The following C1orf146 variants were observed in gnomAD, a reference collection of about 807,000 sequenced individuals.
The protein encoded by C1orf146 is chromosome 1 open reading frame 146, also known as protein SPO16 homolog.
A neutral mutation model predicts 23.0 loss-of-function variants in C1orf146; 22 were observed. The ratio of observed to expected loss-of-function variants is 0.96; its 90% CI spans 0.68 to 1.36. C1orf146 has a LOEUF of 1.36. Among genes scored for constraint, C1orf146 ranks in the 40% most tolerant of loss-of-function variants. C1orf146 has a pLI of 0.00. For missense variants in C1orf146, 199 were observed against 206.8 expected, an observed-to-expected ratio of 0.96 and a Z score of 0.23; for synonymous variants, 59 against 65.3, an observed-to-expected ratio of 0.90 and a Z score of 0.47.
intron 2 of C1orf146, among the ~76,000 whole-genome samples, chr1:92,239,496 A>T (rs561051694): frequency 6.6e-6 from 1 of 152,274 alleles, no homozygotes; most frequent in African/African-American, 2.4e-5. Context: ...CATGCCTATA[A>T]TCCCAGCACT....
chr1:92,234,831 T>C (rs1439394715), intron 2 of C1orf146, among the ~76,000 whole-genome samples: 1 of 152,226 alleles, frequency 6.6e-6, no homozygotes, highest in African/African-American at 2.4e-5. Flanking sequence ...CTTCCTGGTT[T>C]AGTCTTGGGA....
chr1:92,230,894 T>C (rs151086541), intron 1 of C1orf146, among the ~76,000 whole-genome samples: 34 of 152,346 alleles, frequency 2.2e-4, no homozygotes, highest in African/African-American at 8.2e-4. Flanking sequence ...TCTGGGTTTC[T>C]TTCCTATAAT....
chr1:92,236,880 C>G (rs1384023039), intron 2 of C1orf146, among the ~76,000 whole-genome samples: 1 of 152,154 alleles, frequency 6.6e-6, no homozygotes, highest in Non-Finnish European at 1.5e-5. Flanking sequence ...CGCTGATACC[C>G]TTTCTTCCAG....
intron 2 of C1orf146, among the ~76,000 whole-genome samples, chr1:92,232,514 G>C (rs1370052147): frequency 8.6e-5 from 13 of 151,930 alleles, no homozygotes; most frequent in Admixed American, 8.5e-4. Flanking sequence ...TATCATTGTT[G>C]GACATTTGGG....
At chr1:92,238,326 T>C (rs1652346664) in intron 2 of C1orf146, among the ~76,000 whole-genome samples, 2 of 152,232 alleles carry the variant, frequency 1.3e-5, no homozygotes. Flanking sequence ...GGTATAAAAG[T>C]TAAACAAGTG....
At chr1:92,237,413 G>A (rs1169704014) in intron 2 of C1orf146, among the ~76,000 whole-genome samples, 1 of 152,214 alleles carries the variant, frequency 6.6e-6, no homozygotes, top group Non-Finnish European at 1.5e-5. Flanking sequence ...GGTGTCTGCA[G>A]AACAGTGGTT....
At chr1:92,230,341 G>A (rs1289812397) in intron 1 of C1orf146, among the ~76,000 whole-genome samples, 4 of 151,624 alleles carry the variant, frequency 2.6e-5, no homozygotes, top group African/African-American at 9.7e-5. Flanking sequence ...GGCCAGGCGC[G>A]ATGGCTCATG....
intron 3 of C1orf146, among the ~76,000 whole-genome samples, chr1:92,242,643 T>C (rs1652459030): frequency 6.6e-6 from 1 of 152,140 alleles, no homozygotes; most frequent in Admixed American, 6.5e-5. Flanking sequence ...TTGTCAAAAC[T>C]GATATACAAA....
intron 2 of C1orf146, among the ~76,000 whole-genome samples, chr1:92,234,897 A>G (rs1300824184): frequency 5.3e-5 from 8 of 152,294 alleles, no homozygotes; most frequent in South Asian, 4.1e-4. Flanking sequence ...GTTTATTTGC[A>G]TAGAGGTGTT....
At chr1:92,243,872 A>G (rs913819983) in intron 3 of C1orf146, among the ~76,000 whole-genome samples, 2 of 152,138 alleles carry the variant, frequency 1.3e-5, no homozygotes, top group Non-Finnish European at 2.9e-5. Context: ...AAAGTATAAC[A>G]TGAAAAATTA....
At position 92,245,680 on chromosome 1, in the gene C1orf146, C is replaced by A; in HGVS notation, c.*6C>A. The A allele has an allele frequency of 1.3e-6, 2 of 1,531,032 alleles. No individual in the cohort carries two copies. Among genetic ancestry groups the A allele is most frequent in the South Asian group, 1.3e-5 (1 of 78,988 alleles). 94.8% of individuals were successfully genotyped at this position (1,531,032 alleles called of 1,614,324 possible). On this transcript the variant is annotated 3_prime_UTR_variant, in exon 6 of 6. Transcript: ENST00000370375. ...ATTCAGTTAACCCAAATTAGAGTAC[C>A]AACTTAATGTTTTTCTCGAAGAATG...
At chr1:92,237,760 T>G (rs935611475) in intron 2 of C1orf146, among the ~76,000 whole-genome samples, 5 of 152,190 alleles carry the variant, frequency 3.3e-5, no homozygotes, top group African/African-American at 9.7e-5. Context: ...CATTTGCCCA[T>G]TTTATAGAGG....
At chr1:92,230,539 C>T (rs991561137) in intron 1 of C1orf146, among the ~76,000 whole-genome samples, 1 of 151,570 alleles carries the variant, frequency 6.6e-6, no homozygotes, top group African/African-American at 2.4e-5. Flanking sequence ...TGGCATGAAC[C>T]TGGGAGGCGG....
intron 1 of C1orf146, among the ~76,000 whole-genome samples, chr1:92,230,243 C>A (rs144249302): frequency 6.6e-6 from 1 of 151,318 alleles, no homozygotes; most frequent in African/African-American, 2.4e-5. Context: ...GTGGGAGGGT[C>A]GCTTGAAGCC....
At chr1:92,240,548 A>G (rs1184928986) in intron 2 of C1orf146, among the ~76,000 whole-genome samples, 1 of 152,352 alleles carries the variant, frequency 6.6e-6, no homozygotes, top group Middle Eastern at 3.4e-3. Context: ...GAAAGGAAGC[A>G]TGTATTTTTA....
chr1:92,238,837 A>G (rs1652359501), intron 2 of C1orf146, among the ~76,000 whole-genome samples: 1 of 152,124 alleles, frequency 6.6e-6, no homozygotes, highest in African/African-American at 2.4e-5. Context: ...CTTTCTGTCC[A>G]TACTCTTCTC....
chr1:92,237,071 G>A (rs558132665), intron 2 of C1orf146, among the ~76,000 whole-genome samples: 2 of 151,936 alleles, frequency 1.3e-5, no homozygotes, highest in Non-Finnish European at 2.9e-5. Context: ...CCTGTAGCTC[G>A]TAGTTTGATT....
chr1:92,219,521 T>TTTTTAA (rs1553129352), intron 1 of C1orf146, among the ~76,000 whole-genome samples: 3 of 141,916 alleles, frequency 2.1e-5, no homozygotes, highest in African/African-American at 8.6e-5. Flanking sequence ...TTTTTTTTTT[T>TTTTTAA]AAGACAGAGT....
intron 3 of C1orf146, 101 bp downstream of exon 3, chr1:92,242,406 G>A: frequency 3.5e-6 from 2 of 579,154 alleles, no homozygotes; most frequent in Admixed American, 3.5e-5. Context: ...ATTATCTTTT[G>A]GGAAGGGTAA....
Sources: gnomAD v4.1 joint callset for allele counts (sites outside exome capture counted in the v4.1 genomes callset) on GRCh38, gnomAD v4.1.1 for gene constraint, MANE v1.5 for transcripts, NCBI Gene and HGNC (gene_info 2026-07-23, HGNC 2026-07-21) for gene names.